KAT6B: variants seen among roughly 807,000 people sequenced by gnomAD.
The protein encoded by KAT6B is histone acetyltransferase KAT6B.
In KAT6B, 10 loss-of-function variants were observed where a neutral mutation model predicts 187.5. The observed-to-expected ratio is 0.05, with a 90% CI of 0.03 to 0.09. The LOEUF is 0.09. Ranked by LOEUF, KAT6B falls within the 10% of genes least tolerant of loss-of-function variation. The probability of loss-of-function intolerance (pLI) is 1.00; values close to 1 mark genes in which losing one functional copy is unlikely to be tolerated. For missense variants in KAT6B, 1,952 were observed against 2,558.9 expected (o/e 0.76, Z 5.12); for synonymous variants, 861 against 926.8 (o/e 0.93, Z 1.29).
intron 3 of KAT6B, among the ~76,000 whole-genome samples, chr10:74,908,092 G>A (rs1373174223): frequency 6.6e-6 from 1 of 152,158 alleles, no homozygotes; most frequent in Non-Finnish European, 1.5e-5. Flanking sequence ...TATCATGGGA[G>A]TGGACCTGGT....
intron 6 of KAT6B, 74 bp downstream of exon 6, chr10:74,970,175 A>C: frequency 6.4e-6 from 7 of 1,091,188 alleles, no homozygotes; most frequent in Non-Finnish European, 9.8e-6. Context: ...CTGACAGCTC[A>C]GAGGTATACA....
intron 6 of KAT6B, 117 bp downstream of exon 6, chr10:74,970,218 C>T (rs1295281985): frequency 2.8e-6 from 2 of 721,744 alleles, no homozygotes; most frequent in Non-Finnish European, 5.0e-6. Context: ...TCCCTCCCAC[C>T]TTCCCTATAC....
At chr10:74,870,044 C>T (rs902755704) in intron 3 of KAT6B, among the ~76,000 whole-genome samples, 1 of 152,166 alleles carries the variant, frequency 6.6e-6, no homozygotes, top group African/African-American at 2.4e-5. Context: ...ATTTGGGAGG[C>T]TGAGGCAGGA....
chr10:74,972,453 T>C (rs1225878116), intron 6 of KAT6B, 54 bp from the exon 7 acceptor site: 2 of 1,297,554 alleles, frequency 1.5e-6, no homozygotes, highest in Non-Finnish European at 2.2e-6. Flanking sequence ...ATATTTAATA[T>C]CTTCTCTTAA....
chr10:74,961,307 C>T (rs1464014376), intron 4 of KAT6B, among the ~76,000 whole-genome samples: 5 of 152,182 alleles, frequency 3.3e-5, no homozygotes, highest in African/African-American at 4.8e-5. Flanking sequence ...TTTGGGTTTT[C>T]TCACGAGGCT....
intron 3 of KAT6B, among the ~76,000 whole-genome samples, chr10:74,862,765 A>T (rs1843273170): frequency 6.6e-6 from 1 of 152,138 alleles, no homozygotes; most frequent in Admixed American, 6.5e-5. Flanking sequence ...ATAATATAGC[A>T]CTGACCACAC....
chr10:74,925,591 T>C (rs1311750151), intron 3 of KAT6B, among the ~76,000 whole-genome samples: 1 of 152,202 alleles, frequency 6.6e-6, no homozygotes, highest in African/African-American at 2.4e-5. Flanking sequence ...ATAGGTTCTG[T>C]TGGATGAGTA....
Position 75,020,813 on chromosome 10 carries a change from G to A in KAT6B, c.2861G>A (p.Arg954Lys). 6.2e-7 allele frequency: 1 copy of A among 1,613,468 alleles called. No individual in the cohort carries two copies. The highest frequency in any genetic ancestry group is 1.1e-5 in the South Asian group (1 of 91,056). Residue 954 changes from arginine (R) to lysine (K), a missense_variant and splice_region_variant, in exon 14 of 18, where the codon AGA becomes AAA. Arg to Lys is a conservative substitution (Grantham distance 26). Around this residue, in one of 9 missense-constraint regions of KAT6B, gnomAD observed 758 missense variants for 891.4 expected, o/e 0.85. Transcript: ENST00000287239. ...CACATGATCGACAAGAGAGATGGCA[G>A]GTGAGTCCTGGGACCCTGGGCAGCT... ...HLHMIDKRDGRFVIIRREKLI... is the reference protein window; with the variant it reads ...HLHMIDKRDGKFVIIRREKLI...
intron 10 of KAT6B, among the ~76,000 whole-genome samples, chr10:74,980,875 T>G (rs1485451453): frequency 6.6e-6 from 1 of 152,240 alleles, no homozygotes; most frequent in African/African-American, 2.4e-5. Context: ...GCCGTGCTAT[T>G]TACTGCATTT....
Position 74,975,535 on chromosome 10 carries a change from G to C in KAT6B, c.1198G>C (p.Ala400Pro). ...TGGGAAGGACTCAAGCAGCAGATTG[G>C]CTGTTACAGACCCCACTCGGCCTGG... Reference protein sequence around the residue: ...ASGKDSSSRLAVTDPTRPGAT... With the variant: ...ASGKDSSSRLPVTDPTRPGAT... Residue 400 changes from alanine (A) to proline (P), a missense_variant, in exon 8 of 18, where the codon GCT becomes CCT. Ala to Pro is a conservative substitution (Grantham distance 27). Transcript: ENST00000287239. 6.2e-7 allele frequency: 1 copy of C among 1,614,002 alleles called. No homozygotes were observed. Among genetic ancestry groups the C allele is most frequent in the Non-Finnish European group, 8.5e-7 (1 of 1,180,010 alleles).
rs990532393 is a variant in KAT6B, at chr10:75,031,094, A to G, written c.*48A>G. On this transcript the variant is annotated 3_prime_UTR_variant, in exon 18 of 18. Coordinates refer to ENST00000287239, the MANE Select transcript of KAT6B (RefSeq NM_012330.4). ...CCTACGGGGCATCACTATTGGATTG[A>G]TCTGCACAAATACCTTTGAAGAGTA... 5.0e-6 allele frequency: 8 copies of G among 1,603,884 alleles called. No individual in the cohort carries two copies. The highest frequency in any genetic ancestry group is 6.8e-6 in the Non-Finnish European group (8 of 1,173,776).
In KAT6B at chr10:74,941,618, C is replaced by A. The variant is rs748859322; in HGVS notation, c.622-18352C>A. On this transcript the variant is annotated intron_variant, in intron 3 of 17. Coordinates refer to ENST00000287239, the MANE Select transcript of KAT6B (RefSeq NM_012330.4). ...AAATTACCACCAACACACAAACACACACACATGCATGCACACATGCACAAT... is the reference window on the plus strand; with the variant it reads ...AAATTACCACCAACACACAAACACAAACACATGCATGCACACATGCACAAT... Among the ~76,000 whole-genome samples the A allele has an allele frequency of 2.0e-5, 3 of 152,144 alleles. No homozygotes were observed. In the South Asian group the frequency reaches 6.2e-4, roughly 31 times the overall value.
chr10:74,900,833 GT>G (rs1292140625), intron 3 of KAT6B, among the ~76,000 whole-genome samples: 1 of 152,182 alleles, frequency 6.6e-6, no homozygotes, highest in African/African-American at 2.4e-5. Flanking sequence ...GGGAGTGGGG[GT>G]TAAACAGAGA....
chr10:74,884,399 G>A (rs1347051176), intron 3 of KAT6B, among the ~76,000 whole-genome samples: 1 of 152,216 alleles, frequency 6.6e-6, no homozygotes, highest in South Asian at 2.1e-4. Flanking sequence ...GACTTAGGCT[G>A]TGTTTAAATT....
intron 13 of KAT6B, among the ~76,000 whole-genome samples, chr10:75,016,410 T>C (rs1844975021): frequency 6.6e-6 from 1 of 152,238 alleles, no homozygotes; most frequent in Admixed American, 6.5e-5. Context: ...GACAATCCTT[T>C]GAATTGATTA....
intron 3 of KAT6B, among the ~76,000 whole-genome samples, chr10:74,881,790 A>C (rs1484768987): frequency 6.6e-6 from 1 of 152,128 alleles, no homozygotes. Flanking sequence ...AGTAACTGGG[A>C]CTACAGTCTC....
At chr10:74,939,938 G>C (rs1055759045) in intron 3 of KAT6B, among the ~76,000 whole-genome samples, 2 of 152,174 alleles carry the variant, frequency 1.3e-5, no homozygotes, top group Non-Finnish European at 2.9e-5. Context: ...CAAATGAGTA[G>C]TAATAACATC....
chr10:74,854,696 C>G (rs1842702427), intron 3 of KAT6B, among the ~76,000 whole-genome samples: 2 of 152,112 alleles, frequency 1.3e-5, no homozygotes, highest in South Asian at 4.1e-4. Flanking sequence ...CAGCTTTGTT[C>G]ATACATCCTT....
intron 1 of KAT6B, among the ~76,000 whole-genome samples, chr10:74,832,978 C>T (rs1840979329): frequency 6.6e-6 from 1 of 151,148 alleles, no homozygotes. Context: ...AAAACAACAA[C>T]AACAAACAAA....
Sources: gnomAD v4.1 joint callset for allele counts (sites outside exome capture counted in the v4.1 genomes callset) on GRCh38, gnomAD v4.1.1 for gene constraint, gnomAD v4.1.1 regional missense constraint, MANE v1.5 for transcripts, NCBI Gene and HGNC (gene_info 2026-07-23, HGNC 2026-07-21) for gene names.